Variants in GAB1 observed in about 807,000 individuals in gnomAD.
GAB1 encodes GRB2 associated binding protein 1.
A neutral mutation model predicts 66.5 loss-of-function variants in GAB1; 19 were observed. The ratio of observed to expected loss-of-function variants is 0.29; its 90% CI spans 0.20 to 0.42. GAB1 has a LOEUF of 0.42. Among genes scored for constraint, GAB1 ranks in the 10% least tolerant of loss-of-function variants. The pLI is 1.00. For missense variants in GAB1, 732 were observed against 858.5 expected (o/e 0.85, Z 1.84); for synonymous variants, 294 against 301.4 (o/e 0.98, Z 0.25).
intron 6 of GAB1, among the ~76,000 whole-genome samples, chr4:143,442,245 A>G (rs1314339319): frequency 6.6e-6 from 1 of 152,224 alleles, no homozygotes; most frequent in East Asian, 1.9e-4. Flanking sequence ...CTTATTTTCC[A>G]GTAACGAGTG....
In GAB1 at chr4:143,472,174, T is replaced by G. The variant is rs1736108606; in HGVS notation, c.*2985T>G. On this transcript the variant is annotated 3_prime_UTR_variant, in exon 10 of 10. Coordinates refer to ENST00000262994, the MANE Select transcript of GAB1 (RefSeq NM_002039.4). ...AGTAAGATGTAAAAGATTTTTTAAA[T>G]CTACACTTCAGTTTATACATCTTTA... 1 of 152,194 alleles carries G rather than the reference T, an allele frequency of 6.6e-6. No individual in the cohort carries two copies. Among genetic ancestry groups the G allele is most frequent in the Admixed American group, 6.5e-5 (1 of 15,276 alleles). The allele number at this position is 152,194 out of a possible 1,614,324, so 9.4% of individuals were successfully genotyped here.
intron 1 of GAB1, among the ~76,000 whole-genome samples, chr4:143,340,691 A>G (rs556611398): frequency 1.2e-4 from 18 of 152,194 alleles, no homozygotes; most frequent in Non-Finnish European, 2.1e-4. Context: ...TTGTATTTTC[A>G]GTAGAGATGG....
intron 1 of GAB1, among the ~76,000 whole-genome samples, chr4:143,373,567 G>A (rs1164912539): frequency 2.0e-5 from 3 of 152,094 alleles, no homozygotes; most frequent in Non-Finnish European, 4.4e-5. Flanking sequence ...GGTGGCTCAC[G>A]CCTATAACCC....
chr4:143,342,445 G>A (rs1581208017), intron 1 of GAB1, among the ~76,000 whole-genome samples: 1 of 150,218 alleles, frequency 6.7e-6, no homozygotes, highest in Admixed American at 6.6e-5. Flanking sequence ...AGCGTTTTTT[G>A]AGAGTAAGTA....
chr4:143,448,400 A>G (rs374406151), intron 6 of GAB1, among the ~76,000 whole-genome samples: 54 of 151,910 alleles, frequency 3.6e-4, no homozygotes, highest in Middle Eastern at 3.4e-3. Flanking sequence ...GGTAGAATTC[A>G]GCTGTGAATC....
chr4:143,425,513 T>C (rs1733297204), intron 2 of GAB1: 9 of 762,158 alleles, frequency 1.2e-5, no homozygotes, highest in Non-Finnish European at 1.9e-5. Context: ...CTCTGTGCCA[T>C]GTGGACATTG....
In GAB1 at chr4:143,474,343, G is replaced by A. The variant is rs973076429; in HGVS notation, c.*5154G>A. ...TTGGAACATTTGGAGTGCTCTGTGC[G>A]AGGGACATACAGTGATATAGGAAAT... is the stretch of plus-strand genomic sequence containing the variant. On this transcript the variant is annotated 3_prime_UTR_variant, in exon 10 of 10. Transcript: ENST00000262994. 4.6e-5 allele frequency: 7 copies of A among 152,006 alleles called. No individual in the cohort carries two copies. Among genetic ancestry groups the A allele is most frequent in the Non-Finnish European group, 7.4e-5 (5 of 68,008 alleles). The allele number at this position is 152,006 out of a possible 1,614,324, so 9.4% of individuals were successfully genotyped here.
chr4:143,414,708 T>C (rs193268854), intron 1 of GAB1, among the ~76,000 whole-genome samples: 2 of 152,336 alleles, frequency 1.3e-5, no homozygotes, highest in East Asian at 3.9e-4. Context: ...GTTTAAAATC[T>C]GTAGGAGTCT....
intron 1 of GAB1, among the ~76,000 whole-genome samples, chr4:143,402,060 T>G (rs529422099): frequency 2.6e-5 from 2 of 78,036 alleles, no homozygotes; most frequent in Non-Finnish European, 7.1e-5. Flanking sequence ...GTTTGCAGGG[T>G]TTTTTTTTTC....
chr4:143,389,153 G>A (rs1014927571), intron 1 of GAB1, among the ~76,000 whole-genome samples: 2 of 152,260 alleles, frequency 1.3e-5, no homozygotes, highest in African/African-American at 4.8e-5. Context: ...TCAAATGTAA[G>A]AAGAGCTTTT....
intron 1 of GAB1, among the ~76,000 whole-genome samples, chr4:143,393,869 A>G (rs1731306661): frequency 6.6e-6 from 1 of 152,236 alleles, no homozygotes. Context: ...ATGACACTTA[A>G]AAAACAGCAC....
At chr4:143,387,539 G>C (rs1234690086) in intron 1 of GAB1, among the ~76,000 whole-genome samples, 1 of 152,222 alleles carries the variant, frequency 6.6e-6, no homozygotes. Context: ...ACTGACGTGA[G>C]CTTCCATCTT....
chr4:143,349,711 G>A (rs1236914200), intron 1 of GAB1: 4 of 1,571,598 alleles, frequency 2.5e-6, no homozygotes, highest in African/African-American at 1.3e-5. Flanking sequence ...ACAGATGGCG[G>A]TGGCCACCTC....
chr4:143,350,606 A>T (rs1046885161), intron 1 of GAB1, among the ~76,000 whole-genome samples: 1 of 136,578 alleles, frequency 7.3e-6, no homozygotes, highest in Non-Finnish European at 1.5e-5. Context: ...TGAACCCGGG[A>T]GGCGGAGGTT....
chr4:143,422,157 G>A (rs1017675617), intron 2 of GAB1, among the ~76,000 whole-genome samples: 1 of 152,120 alleles, frequency 6.6e-6, no homozygotes, highest in African/African-American at 2.4e-5. Context: ...TAATGATAAT[G>A]CATACTCTTT....
intron 1 of GAB1, among the ~76,000 whole-genome samples, chr4:143,406,592 G>A (rs756373353): frequency 9.2e-5 from 14 of 152,228 alleles, no homozygotes; most frequent in South Asian, 2.1e-4. Flanking sequence ...TCTGTGTCCC[G>A]ATTTTCCTCT....
chr4:143,360,991 C>A (rs1414084740), intron 1 of GAB1, among the ~76,000 whole-genome samples: 4 of 152,180 alleles, frequency 2.6e-5, no homozygotes, highest in African/African-American at 9.6e-5. Context: ...CTTTCCCCAA[C>A]AAGACATATT....
chr4:143,447,204 A>G (rs1734604964), intron 6 of GAB1, among the ~76,000 whole-genome samples: 1 of 152,010 alleles, frequency 6.6e-6, no homozygotes, highest in Admixed American at 6.6e-5. Context: ...GTAGCCTTGT[A>G]GTATAGTTAG....
intron 1 of GAB1, among the ~76,000 whole-genome samples, chr4:143,400,376 G>T (rs746635829): frequency 1.3e-5 from 2 of 152,162 alleles, no homozygotes; most frequent in Non-Finnish European, 2.9e-5. Context: ...AAAAGACTAG[G>T]CTGTGAAAGG....
Sources: allele counts gnomAD v4.1 joint callset (sites outside exome capture counted in the v4.1 genomes callset), GRCh38; gene constraint gnomAD v4.1.1; transcripts MANE v1.5; gene names NCBI Gene and HGNC (gene_info 2026-07-23, HGNC 2026-07-21).